Variants in SIN3A observed in about 807,000 individuals in gnomAD.
SIN3A encodes paired amphipathic helix protein Sin3a.
SIN3A carries 14 observed loss-of-function variants against 146.1 expected under a neutral mutation model. The ratio of observed to expected loss-of-function variants is 0.10; its 90% CI spans 0.06 to 0.15. The LOEUF (loss-of-function observed/expected upper bound fraction) is 0.15, where lower values mean the gene tolerates loss of function less well. Ranked by LOEUF, SIN3A falls within the 10% of genes least tolerant of loss-of-function variation. The pLI is 1.00. For synonymous variants in SIN3A, 572 were observed against 572.0 expected, an observed-to-expected ratio of 1.00 and a Z score of 0.00; for missense variants, 1,028 against 1,576.0, an observed-to-expected ratio of 0.65 and a Z score of 5.89.
rs1006572637 is a variant in SIN3A at position 75,400,958 on chromosome 15, A to G, written c.1527-18T>C. On this transcript the variant is annotated intron_variant, in intron 10 of 20. Coordinates refer to ENST00000394947, the MANE Select transcript of SIN3A (RefSeq NM_001145358.2). The stretch of plus-strand genomic sequence containing the variant: ...GGAATTTCCTGAAGAATCAAACCAA[A>G]AAGTGACAAGCAATTAGGGGCAGGA... 14 of 1,583,402 alleles carry G rather than the reference A, an allele frequency of 8.8e-6. No individual in the cohort carries two copies. The highest frequency in any genetic ancestry group is 8.3e-5 in the Admixed American group (5 of 59,912).
At chr15:75,401,708 C>T (rs543105362) in intron 10 of SIN3A, 144 bp downstream of exon 10, 2 of 594,706 alleles carry the variant, frequency 3.4e-6, no homozygotes, top group Admixed American at 3.1e-5. Context: ...GACTAGAAGA[C>T]TTCTCAGGAC....
At chr15:75,445,303 C>T (rs1172813846) in intron 1 of SIN3A, among the ~76,000 whole-genome samples, 1 of 147,236 alleles carries the variant, frequency 6.8e-6, no homozygotes, top group Admixed American at 6.9e-5. Context: ...ACTGCTTGAA[C>T]CTGGGAAGGG....
rs1002467048 is a variant in SIN3A, at chr15:75,427,645, CAG to C, written c.189+2540_189+2541del. ...ATTGCACTCCAGCCTGGGCAACAGA[CAG>C]AGAGTCTGTCTCAAAAATAAATAAA... On this transcript the variant is annotated intron_variant, in intron 2 of 20. Transcript: ENST00000394947. Among the ~76,000 whole-genome samples the C allele has an allele frequency of 1.0e-4, 15 of 148,298 alleles. No individual in the cohort carries two copies. The East Asian group carries it at 2.0e-3, about 20-fold the overall frequency.
At chr15:75,438,216 T>C (rs2074139595) in intron 1 of SIN3A, among the ~76,000 whole-genome samples, 1 of 151,836 alleles carries the variant, frequency 6.6e-6, no homozygotes, top group African/African-American at 2.4e-5. Context: ...GAAAAACAAA[T>C]TAGCCGGGTG....
At chr15:75,418,042 A>T (rs1006682233) in intron 3 of SIN3A, among the ~76,000 whole-genome samples, 95 of 151,610 alleles carry the variant, frequency 6.3e-4, no homozygotes, top group African/African-American at 1.7e-3. Context: ...TATTATTATT[A>T]TTTTTTTAGA....
intron 1 of SIN3A, among the ~76,000 whole-genome samples, chr15:75,446,674 T>C (rs1392055455): frequency 1.3e-5 from 2 of 151,964 alleles, no homozygotes; most frequent in Non-Finnish European, 2.9e-5. Flanking sequence ...AATTTTTTTA[T>C]AGAGACAGGG....
At chr15:75,378,143 T>C (rs1269764959) in intron 19 of SIN3A, among the ~76,000 whole-genome samples, 2 of 152,164 alleles carry the variant, frequency 1.3e-5, no homozygotes, top group African/African-American at 2.4e-5. Flanking sequence ...AAATAGCCAA[T>C]TGCGTAAAGT....
chr15:75,452,356 A>G (rs1367672339), upstream of SIN3A, among the ~76,000 whole-genome samples: 1 of 152,144 alleles, frequency 6.6e-6, no homozygotes, highest in East Asian at 1.9e-4. Flanking sequence ...CCGAGATAGG[A>G]GGGGGAGCGG....
At chr15:75,410,451 A>G (rs1263597994) in intron 6 of SIN3A, among the ~76,000 whole-genome samples, 165 bp from the exon 7 acceptor site, 2 of 152,056 alleles carry the variant, frequency 1.3e-5, no homozygotes, top group Non-Finnish European at 2.9e-5. Context: ...AGAAAAAAAA[A>G]AAGTTGAAGA....
At chr15:75,422,555 T>A in intron 3 of SIN3A, 92 bp downstream of exon 3, 1 of 1,373,008 alleles carries the variant, frequency 7.3e-7, no homozygotes, top group Non-Finnish European at 1.0e-6. Flanking sequence ...GTATCTCAGG[T>A]TAGAAGTTGT....
chr15:75,372,024 A>G lies in SIN3A; in HGVS notation c.3777T>C (p.Ile1259=). 6.2e-7 allele frequency: 1 copy of G among 1,614,200 alleles called. No homozygotes were observed. The highest frequency in any genetic ancestry group is 8.5e-7 in the Non-Finnish European group (1 of 1,180,036). The change falls in exon 21 of 21, where the codon ATT becomes ATC. Residue 1259 remains isoleucine, a synonymous_variant. Coordinates refer to ENST00000394947, the MANE Select transcript of SIN3A (RefSeq NM_001145358.2). The part of the protein sequence containing the change: ...CDTETLHFVS[I]NKYRVKYGTV... ...TGCCGTATTTGACACGATACTTGTT[A>G]ATGCTCACAAAATGCAGGGTCTCTG...
chr15:75,393,024 G>GT (rs1255690892), intron 14 of SIN3A, among the ~76,000 whole-genome samples: 1 of 152,168 alleles, frequency 6.6e-6, no homozygotes, highest in Non-Finnish European at 1.5e-5. Context: ...GAGGTCAGGA[G>GT]TTTGAGATCA....
chr15:75,454,662 C>T (rs965138603), upstream of SIN3A, among the ~76,000 whole-genome samples: 3 of 152,036 alleles, frequency 2.0e-5, no homozygotes, highest in Non-Finnish European at 2.9e-5. Context: ...AGGCCACCCC[C>T]TCGTGGGCGC....
intron 1 of SIN3A, among the ~76,000 whole-genome samples, chr15:75,435,470 G>A (rs1368806567): frequency 2.0e-5 from 3 of 152,142 alleles, no homozygotes; most frequent in African/African-American, 7.2e-5. Flanking sequence ...GGCCGAGGCG[G>A]GTGGATCACC....
At chr15:75,436,052 A>G (rs1021026447) in intron 1 of SIN3A, among the ~76,000 whole-genome samples, 2 of 151,908 alleles carry the variant, frequency 1.3e-5, no homozygotes, top group Admixed American at 1.3e-4. Flanking sequence ...TCTTGACCTC[A>G]GAAGTTGAGG....
chr15:75,417,202 A>G (rs1334625148), intron 3 of SIN3A, among the ~76,000 whole-genome samples: 1 of 152,162 alleles, frequency 6.6e-6, no homozygotes, highest in African/African-American at 2.4e-5. Context: ...TATGAGTCTG[A>G]TTTAGGACAG....
At chr15:75,402,890 C>A (rs1252452956) in intron 9 of SIN3A, among the ~76,000 whole-genome samples, 1 of 152,050 alleles carries the variant, frequency 6.6e-6, no homozygotes, top group Non-Finnish European at 1.5e-5. Context: ...CCGCCTTGGC[C>A]TCCCAAAGTG....
chr15:75,395,386 C>T (rs968168981), intron 13 of SIN3A, among the ~76,000 whole-genome samples: 5 of 152,116 alleles, frequency 3.3e-5, no homozygotes, highest in Non-Finnish European at 1.5e-5. Flanking sequence ...AAGTTAAATG[C>T]TACAGGCAAG....
intron 19 of SIN3A, among the ~76,000 whole-genome samples, chr15:75,380,055 G>GA (rs769520171): frequency 1.3e-5 from 2 of 152,206 alleles, no homozygotes; most frequent in Non-Finnish European, 2.9e-5. Flanking sequence ...CTTTCTTTCT[G>GA]AGAGTTTGGG....
Sources: allele counts gnomAD v4.1 joint callset (sites outside exome capture counted in the v4.1 genomes callset), GRCh38; gene constraint gnomAD v4.1.1; transcripts MANE v1.5; gene names NCBI Gene and HGNC (gene_info 2026-07-23, HGNC 2026-07-21).